Variants in CDK14 observed in about 807,000 individuals in gnomAD.
The protein encoded by CDK14 is cyclin dependent kinase 14.
In CDK14, 34 loss-of-function variants were observed where a neutral mutation model predicts 60.7. The ratio of observed to expected loss-of-function variants is 0.56; its 90% CI spans 0.43 to 0.75. The LOEUF (loss-of-function observed/expected upper bound fraction) is 0.75, where lower values mean the gene tolerates loss of function less well. Ranked by LOEUF, CDK14 falls within the 30% of genes least tolerant of loss-of-function variation. The pLI, the probability that CDK14 is intolerant of heterozygous loss-of-function variation, is 0.00. For missense variants in CDK14, 482 were observed against 564.1 expected (o/e 0.85, Z 1.47); for synonymous variants, 197 against 203.7 (o/e 0.97, Z 0.28).
chr7:90,904,620 A>G (rs1478864618), intron 7 of CDK14, among the ~76,000 whole-genome samples: 1 of 152,166 alleles, frequency 6.6e-6, no homozygotes, highest in African/African-American at 2.4e-5. Flanking sequence ...GGTCTAATCT[A>G]GGGGATCCCA....
intron 4 of CDK14, among the ~76,000 whole-genome samples, chr7:90,764,379 G>A (rs547055239): frequency 4.1e-4 from 63 of 152,336 alleles, no homozygotes; most frequent in African/African-American, 1.5e-3. Context: ...ACAAGGTGGG[G>A]TTTGGGTGAA....
At chr7:90,934,558 G>A (rs1249194877) in intron 8 of CDK14, among the ~76,000 whole-genome samples, 1 of 152,226 alleles carries the variant, frequency 6.6e-6, no homozygotes, top group East Asian at 1.9e-4. Context: ...CAAGGAATTG[G>A]AAGTCCAGTA....
chr7:90,902,372 C>T (rs1474029495), intron 7 of CDK14, among the ~76,000 whole-genome samples: 1 of 152,030 alleles, frequency 6.6e-6, no homozygotes, highest in African/African-American at 2.4e-5. Context: ...ACGAAAACAA[C>T]ATGTTATGGG....
Position 90,861,021 on chromosome 7 carries a change from C to T in CDK14, c.545-2154C>T, listed in dbSNP as rs567034344. On this transcript the variant is annotated intron_variant, in intron 5 of 14. Transcript: ENST00000380050. ...GAGTTTTATCAGCCAGAGGTTTGGG[C>T]GTAGTGCTAGTCTCAGAGTCAAAGG... Among the ~76,000 whole-genome samples, 12 of 152,134 alleles carry T rather than the reference C, an allele frequency of 7.9e-5. No individual in the cohort carries two copies. In the South Asian group the frequency reaches 1.2e-3, roughly 16 times the overall value.
chr7:90,903,064 A>G (rs1050372069), intron 7 of CDK14, among the ~76,000 whole-genome samples: 1 of 152,198 alleles, frequency 6.6e-6, no homozygotes, highest in Non-Finnish European at 1.5e-5. Context: ...TAGGATGGCT[A>G]TGATCAAAAA....
chr7:90,955,266 G>A (rs537629846), intron 8 of CDK14, among the ~76,000 whole-genome samples: 128 of 152,146 alleles, frequency 8.4e-4, no homozygotes, highest in African/African-American at 2.2e-3. Flanking sequence ...TTCACAATAC[G>A]CATTAGAACA....
chr7:90,711,028 G>A (rs924117419), intron 2 of CDK14, among the ~76,000 whole-genome samples: 4 of 151,962 alleles, frequency 2.6e-5, no homozygotes, highest in African/African-American at 9.7e-5. Context: ...TATTCCACTT[G>A]TGTATAGTTT....
Position 91,018,482 on chromosome 7 carries a change from C to A in CDK14, c.1042-27415C>A, listed in dbSNP as rs560345366. Among the ~76,000 whole-genome samples, 3 of 152,278 alleles carry A rather than the reference C, an allele frequency of 2.0e-5. 1 individual carries two copies. The highest frequency in any genetic ancestry group is 7.2e-5 in the African/African-American group (3 of 41,538). On this transcript the variant is annotated intron_variant, in intron 10 of 14. Coordinates refer to ENST00000380050, the MANE Select transcript of CDK14 (RefSeq NM_001287135.2). ...TTAATAAATAAAAAATATCTTCTTG[C>A]AGAGTCTACACATGGTAGAAGGGGA... is the stretch of plus-strand genomic sequence containing the variant.
intron 14 of CDK14, among the ~76,000 whole-genome samples, chr7:91,143,473 G>A (rs1800525464): frequency 6.6e-6 from 1 of 152,100 alleles, no homozygotes; most frequent in Admixed American, 6.5e-5. Context: ...ATCAATCCCA[G>A]CTCTTTGGGA....
intron 2 of CDK14, among the ~76,000 whole-genome samples, chr7:90,605,510 G>A (rs1419812004): frequency 2.0e-5 from 3 of 152,068 alleles, no homozygotes; most frequent in Non-Finnish European, 2.9e-5. Flanking sequence ...CTGGAATTTC[G>A]GTAGTGTTGT....
chr7:90,635,266 G>C (rs1254425991), intron 2 of CDK14, among the ~76,000 whole-genome samples: 1 of 152,174 alleles, frequency 6.6e-6, no homozygotes, highest in African/African-American at 2.4e-5. Flanking sequence ...TATGGTTTGA[G>C]GTCTAACATG....
At chr7:91,010,100 G>T (rs905403164) in intron 10 of CDK14, among the ~76,000 whole-genome samples, 1 of 152,096 alleles carries the variant, frequency 6.6e-6, no homozygotes, top group East Asian at 1.9e-4. Flanking sequence ...AGTTGGCCAT[G>T]TGTGTATAAG....
At chr7:91,072,029 C>G (rs1369052892) in intron 11 of CDK14, among the ~76,000 whole-genome samples, 1 of 152,196 alleles carries the variant, frequency 6.6e-6, no homozygotes, top group Non-Finnish European at 1.5e-5. Flanking sequence ...TGGGCCTGAG[C>G]CCCTAGGGGG....
At chr7:91,032,598 G>C (rs1012681143) in intron 10 of CDK14, among the ~76,000 whole-genome samples, 1 of 152,178 alleles carries the variant, frequency 6.6e-6, no homozygotes, top group South Asian at 2.1e-4. Flanking sequence ...GGCAGAAATT[G>C]GAGTGATGCA....
chr7:90,606,755 A>G (rs1313812635), intron 2 of CDK14, among the ~76,000 whole-genome samples: 1 of 152,182 alleles, frequency 6.6e-6, no homozygotes, highest in Admixed American at 6.5e-5. Flanking sequence ...TTCAGTACGT[A>G]TCTATTGAAT....
At chr7:91,147,545 T>C (rs1800691973) in intron 14 of CDK14, among the ~76,000 whole-genome samples, 1 of 152,336 alleles carries the variant, frequency 6.6e-6, no homozygotes, top group South Asian at 2.1e-4. Flanking sequence ...TATCCTCTGC[T>C]TATTTACTGT....
chr7:91,145,059 A>G (rs10250633), intron 14 of CDK14, among the ~76,000 whole-genome samples: 2,572 of 152,286 alleles, frequency 0.017, 69 homozygotes, highest in African/African-American at 0.057. Flanking sequence ...TATGTGAGTT[A>G]AGCCATGAGT....
intron 8 of CDK14, among the ~76,000 whole-genome samples, chr7:90,936,166 T>C (rs1793746418): frequency 6.6e-6 from 1 of 152,156 alleles, no homozygotes; most frequent in African/African-American, 2.4e-5. Context: ...TATTTTTCTG[T>C]TTTAAAAAAA....
chr7:91,122,328 A>AT (rs1799802946), intron 14 of CDK14, among the ~76,000 whole-genome samples: 1 of 152,204 alleles, frequency 6.6e-6, no homozygotes. Flanking sequence ...TTAAGCAGTA[A>AT]TTTCCTGTAA....
Sources: gnomAD v4.1 joint callset for allele counts (sites outside exome capture counted in the v4.1 genomes callset) on GRCh38, gnomAD v4.1.1 for gene constraint, MANE v1.5 for transcripts, NCBI Gene and HGNC (gene_info 2026-07-23, HGNC 2026-07-21) for gene names.